Variants in PPP1R16B observed in about 807,000 individuals in gnomAD.
PPP1R16B encodes the protein protein phosphatase 1 regulatory inhibitor subunit 16B.
Under a neutral mutation model 61.7 loss-of-function variants are expected in PPP1R16B, and 14 were observed. The observed-to-expected ratio is 0.23, with a 90% CI of 0.15 to 0.35. PPP1R16B has a LOEUF of 0.35. Ranked by LOEUF, PPP1R16B falls within the 10% of genes least tolerant of loss-of-function variation. The probability of loss-of-function intolerance (pLI) is 1.00; values close to 1 mark genes in which losing one functional copy is unlikely to be tolerated. For missense variants in PPP1R16B, 547 were observed against 752.5 expected, an observed-to-expected ratio of 0.73 and a Z score of 3.19; for synonymous variants, 266 against 305.3, an observed-to-expected ratio of 0.87 and a Z score of 1.34.
At chr20:38,872,161 C>G (rs7273878) in intron 2 of PPP1R16B, among the ~76,000 whole-genome samples, 1 of 152,148 alleles carries the variant, frequency 6.6e-6, no homozygotes, top group Non-Finnish European at 1.5e-5. Context: ...AAGACTTCAC[C>G]GGGTGGTGCC....
chr20:38,874,802 AT>A (rs2145747806), intron 2 of PPP1R16B, among the ~76,000 whole-genome samples: 1 of 152,308 alleles, frequency 6.6e-6, no homozygotes, highest in South Asian at 2.1e-4. Flanking sequence ...GTGTGGGGGT[AT>A]TGGAGCCTCT....
chr20:38,871,030 C>T (rs1167835541), intron 2 of PPP1R16B, among the ~76,000 whole-genome samples: 1 of 152,170 alleles, frequency 6.6e-6, no homozygotes, highest in Non-Finnish European at 1.5e-5. Flanking sequence ...GCCTGCATCT[C>T]CCTGACCCGT....
chr20:38,827,906 A>C (rs1309673112), intron 1 of PPP1R16B, among the ~76,000 whole-genome samples: 2 of 152,188 alleles, frequency 1.3e-5, no homozygotes, highest in Non-Finnish European at 2.9e-5. Flanking sequence ...GAAAGCCAGC[A>C]CTGTTTGTTT....
chr20:38,811,201 T>A (rs1392494079), intron 1 of PPP1R16B, among the ~76,000 whole-genome samples: 1 of 152,082 alleles, frequency 6.6e-6, no homozygotes, highest in Admixed American at 6.6e-5. Context: ...CAGGAAGGAA[T>A]GAATGAATCT....
Position 38,906,981 on chromosome 20 carries a change from G to C in PPP1R16B, c.825G>C (p.Met275Ile). 6.2e-7 allele frequency: 1 copy of C among 1,613,764 alleles called. No homozygotes were observed. Among genetic ancestry groups the C allele is most frequent in the Non-Finnish European group, 8.5e-7 (1 of 1,179,652 alleles). Residue 275 changes from methionine (M) to isoleucine (I), a missense_variant and splice_region_variant, in exon 8 of 11, where the codon ATG becomes ATC. Coordinates refer to ENST00000299824, the MANE Select transcript of PPP1R16B (RefSeq NM_015568.4). ...PLHAAAFWGQ[M>I]QMAELLVSHG... is the part of the protein sequence containing the mutation. ...ATGAGCTTCTTCCTGTGTTTCAGATGCAGATGGCAGAGCTATTGGTGTCCC... is the reference window on the plus strand; with the variant it reads ...ATGAGCTTCTTCCTGTGTTTCAGATCCAGATGGCAGAGCTATTGGTGTCCC...
At chr20:38,812,309 G>T (rs753221770) in intron 1 of PPP1R16B, among the ~76,000 whole-genome samples, 1 of 152,198 alleles carries the variant, frequency 6.6e-6, no homozygotes, top group Non-Finnish European at 1.5e-5. Context: ...CTGGGCCCTT[G>T]GGATTTGCCA....
At position 38,819,331 on chromosome 20, in the gene PPP1R16B, A is replaced by AG. The variant is rs1032145852; in HGVS notation, c.-102+13540dup. On this transcript the variant is annotated intron_variant, in intron 1 of 10. Coordinates refer to ENST00000299824, the MANE Select transcript of PPP1R16B (RefSeq NM_015568.4). ...AGCTCTAGGAATGCAGTGAGTGTTCAGTAAAAGTTGATAATTGTGATAAAA... is the reference window on the plus strand; with the variant it reads ...AGCTCTAGGAATGCAGTGAGTGTTCAGGTAAAAGTTGATAATTGTGATAAAA... Among the ~76,000 whole-genome samples, 71 of 152,148 alleles carry AG rather than the reference A, an allele frequency of 4.7e-4. 1 individual carries two copies. The highest frequency in any genetic ancestry group is 2.4e-4 in the Non-Finnish European group (16 of 68,022).
intron 2 of PPP1R16B, among the ~76,000 whole-genome samples, chr20:38,839,871 A>G (rs1322762838): frequency 6.6e-6 from 1 of 152,194 alleles, no homozygotes; most frequent in South Asian, 2.1e-4. Flanking sequence ...GCCACAGTGA[A>G]TGTTTTATTT....
chr20:38,883,630 A>G (rs2085219676), intron 2 of PPP1R16B, among the ~76,000 whole-genome samples: 1 of 152,168 alleles, frequency 6.6e-6, no homozygotes, highest in African/African-American at 2.4e-5. Flanking sequence ...GTGGCCTTAC[A>G]GTGGTCTGTG....
chr20:38,917,295 CA>C (rs59603946), intron 10 of PPP1R16B, among the ~76,000 whole-genome samples: 24,443 of 92,664 alleles, frequency 0.26, 1,985 homozygotes, highest in East Asian at 0.43. Flanking sequence ...GACTCCGTCT[CA>C]AAAAAAAAAA....
intron 1 of PPP1R16B, among the ~76,000 whole-genome samples, chr20:38,809,620 C>T (rs936257422): frequency 1.3e-5 from 2 of 152,054 alleles, no homozygotes; most frequent in Non-Finnish European, 2.9e-5. Context: ...GGCCTTACCT[C>T]TCAAGCAGAT....
rs138638396 is a variant in PPP1R16B at position 38,848,206 on chromosome 20, A to G, written c.250+12031A>G. 5.9e-5 allele frequency among the ~76,000 whole-genome samples: 9 copies of G among 152,300 alleles called. No homozygotes were observed. The East Asian group carries it at 1.7e-3, about 29-fold the overall frequency. Reference sequence around the variant, plus strand: ...CTTGCACTAAAATGTTTCCTCATCTAGTGATGTATATTAAACCTATGTTTT... The same window carrying G: ...CTTGCACTAAAATGTTTCCTCATCTGGTGATGTATATTAAACCTATGTTTT... On this transcript the variant is annotated intron_variant, in intron 2 of 10. Transcript: ENST00000299824.
chr20:38,860,219 T>C (rs1020983129), intron 2 of PPP1R16B, among the ~76,000 whole-genome samples: 20 of 149,030 alleles, frequency 1.3e-4, no homozygotes, highest in Admixed American at 5.3e-4. Context: ...CCTCCCGCCT[T>C]GGCCTCCCAT....
chr20:38,842,010 T>C (rs988182895), intron 2 of PPP1R16B, among the ~76,000 whole-genome samples: 1 of 152,220 alleles, frequency 6.6e-6, no homozygotes, highest in Non-Finnish European at 1.5e-5. Context: ...ACTGCTGTAC[T>C]GTCTTGGAAA....
chr20:38,849,684 AC>A (rs368750360), intron 2 of PPP1R16B, among the ~76,000 whole-genome samples: 95,214 of 143,266 alleles, frequency 0.66, 31,209 homozygotes, highest in African/African-American at 0.71. Flanking sequence ...AACAACAACA[AC>A]AAAAAAAAAA....
chr20:38,909,682 G>A (rs1006989622), intron 10 of PPP1R16B, among the ~76,000 whole-genome samples: 9 of 152,228 alleles, frequency 5.9e-5, no homozygotes, highest in African/African-American at 1.9e-4. Context: ...GCATGCCCAC[G>A]TGTCTCAGAG....
chr20:38,852,798 A>C (rs208821), intron 2 of PPP1R16B, among the ~76,000 whole-genome samples: 1 of 102,206 alleles, frequency 9.8e-6, no homozygotes, highest in African/African-American at 4.1e-5. Context: ...TGGGGGGATA[A>C]AGTCTTGCTC....
At chr20:38,866,814 G>A (rs569884500) in intron 2 of PPP1R16B, among the ~76,000 whole-genome samples, 2 of 152,256 alleles carry the variant, frequency 1.3e-5, no homozygotes, top group African/African-American at 4.8e-5. Context: ...CAATTTAGTG[G>A]CATTTAAGTA....
rs149794411 is a variant in PPP1R16B, at chr20:38,918,893, G to A, written c.*227G>A. 2.5e-4 allele frequency: 121 copies of A among 484,058 alleles called. No individual in the cohort carries two copies. The highest frequency in any genetic ancestry group is 2.1e-3 in the African/African-American group (106 of 51,168). The allele number at this position is 484,058 out of a possible 1,614,324, so 30.0% of individuals were successfully genotyped here. ...TCTGCCATCTGACACAAGGCCTGTC[G>A]TGGCCTCCTGGTTCACTCTGCTGTC... is the stretch of plus-strand genomic sequence containing the variant. On this transcript the variant is annotated 3_prime_UTR_variant, in exon 11 of 11. Coordinates refer to ENST00000299824, the MANE Select transcript of PPP1R16B (RefSeq NM_015568.4). The surrounding 1 kb of genome is among the most constrained non-coding windows in gnomAD (Gnocchi z 5.3).
Sources: gnomAD v4.1 joint callset for allele counts (sites outside exome capture counted in the v4.1 genomes callset) on GRCh38, gnomAD v4.1.1 for gene constraint, Gnocchi (gnomAD v3.1) non-coding constraint, MANE v1.5 for transcripts, NCBI Gene and HGNC (gene_info 2026-07-23, HGNC 2026-07-21) for gene names.